The following ST8SIA5 variants were observed in gnomAD, a reference collection of about 807,000 sequenced individuals.
ST8SIA5 encodes the protein ST8 alpha-N-acetyl-neuraminide alpha-2,8-sialyltransferase 5.
A neutral mutation model predicts 40.2 loss-of-function variants in ST8SIA5; 24 were observed. The observed-to-expected ratio is 0.60, with a 90% CI of 0.43 to 0.84. The LOEUF is 0.84. ST8SIA5 is among the 40% of genes least tolerant of loss of function. ST8SIA5 has a pLI of 0.00. For missense variants in ST8SIA5, 465 were observed against 498.5 expected (o/e 0.93, Z 0.64); for synonymous variants, 198 against 201.8 (o/e 0.98, Z 0.16).
In ST8SIA5 at chr18:46,680,363, C is replaced by T. The variant is rs370410407; in HGVS notation, c.810G>A (p.Ser270=). 6 of 1,614,116 alleles carry T rather than the reference C, an allele frequency of 3.7e-6. No homozygotes were observed. The highest frequency in any genetic ancestry group is 2.2e-5 in the East Asian group (1 of 44,876). ...GATGGAAGTAGTAGACAGCTTGCGGCGATTCGAAGTCGTCCAGCACGTACT... is the reference window on the plus strand; with the variant it reads ...GATGGAAGTAGTAGACAGCTTGCGGTGATTCGAAGTCGTCCAGCACGTACT... ...RVKYVLDDFE[S]PQAVYYFHPQ... is the part of the protein sequence containing the mutation. Residue 270 remains serine, a synonymous_variant, in exon 7 of 7, where the codon TCG becomes TCA. Transcript: ENST00000315087.
At chr18:46,709,426 G>A (rs117200162) in intron 1 of ST8SIA5, among the ~76,000 whole-genome samples, 3,960 of 152,238 alleles carry the variant, frequency 0.026, 71 homozygotes, top group Non-Finnish European at 0.04. Context: ...AATTATAAAC[G>A]ACCCAGTCTA....
rs1357430073 is a variant in ST8SIA5 at position 46,755,793 on chromosome 18, GGTTGTTGA to G, written c.131+577_131+584del. Among the ~76,000 whole-genome samples the G allele has an allele frequency of 1.3e-5, 2 of 152,136 alleles. 1 individual carries two copies. The highest frequency in any genetic ancestry group is 2.9e-5 in the Non-Finnish European group (2 of 68,034). ...AAGCCATCTGTTTCAGAAGGAATCA[GGTTGTTGA>G]GTTTCACAGATCCAGTGGCTGTGGG... On this transcript the variant is annotated intron_variant, in intron 1 of 6. Coordinates refer to ENST00000315087, the MANE Select transcript of ST8SIA5 (RefSeq NM_013305.6).
intron 1 of ST8SIA5, chr18:46,721,244 G>A (rs1407596852): frequency 3.4e-6 from 3 of 886,504 alleles, no homozygotes; most frequent in South Asian, 3.2e-5. Flanking sequence ...AGGGAGTTTC[G>A]AGCCACCAGA....
chr18:46,751,383 TTTAA>T (rs1272778472), intron 1 of ST8SIA5, among the ~76,000 whole-genome samples: 2 of 145,370 alleles, frequency 1.4e-5, no homozygotes, highest in Non-Finnish European at 3.0e-5. Context: ...TATTTATTTA[TTTAA>T]TTTTTAAATT....
In ST8SIA5 at chr18:46,688,841, G is replaced by C. The variant is rs2039474226; in HGVS notation, c.390C>G (p.Leu130=). The C allele has an allele frequency of 1.2e-6, 2 of 1,614,088 alleles. No individual in the cohort carries two copies. ...TQKNTPLGTK[L]KYEVDTSGIY... is the part of the protein sequence containing the mutation. ...TGCCACTGGTGTCCACCTCATACTT[G>C]AGCTTTGTCCCCAGGGGAGTGTTCT... Residue 130 remains leucine, a synonymous_variant, in exon 4 of 7, where the codon CTC becomes CTG. Transcript: ENST00000315087.
At chr18:46,728,651 C>A (rs9955860) in intron 1 of ST8SIA5, among the ~76,000 whole-genome samples, 85,509 of 152,038 alleles carry the variant, frequency 0.56, 24,303 homozygotes, top group Middle Eastern at 0.64. Flanking sequence ...GCCATGTGCT[C>A]AAGACAAAAT....
intron 1 of ST8SIA5, among the ~76,000 whole-genome samples, chr18:46,725,816 G>A (rs2039912150): frequency 6.6e-6 from 1 of 150,864 alleles, no homozygotes; most frequent in African/African-American, 2.4e-5. Flanking sequence ...AAAGGAAGAT[G>A]ACAAAATGAA....
intron 1 of ST8SIA5, among the ~76,000 whole-genome samples, chr18:46,718,414 T>C (rs2039816107): frequency 6.6e-6 from 1 of 152,024 alleles, no homozygotes; most frequent in African/African-American, 2.4e-5. Flanking sequence ...CAACACTTCA[T>C]AGACCTAGAC....
intron 2 of ST8SIA5, 41 bp downstream of exon 2, chr18:46,704,531 T>G: frequency 1.3e-5 from 9 of 687,380 alleles, no homozygotes; most frequent in South Asian, 1.8e-5. Context: ...CTGCCCCACC[T>G]CCACATGCTC....
In ST8SIA5 at chr18:46,668,797, G is replaced by A. The variant is rs548905392; in HGVS notation, c.*11245C>T. On this transcript the variant is annotated 3_prime_UTR_variant, in exon 7 of 7. Transcript: ENST00000315087. The stretch of plus-strand genomic sequence containing the variant: ...ACCAGCTGCCCCATAAAGTGATCTT[G>A]AGCAGAGGGACTTGCCCAGAAGCTA... The A allele has an allele frequency of 6.6e-6, 1 of 152,356 alleles. No homozygotes were observed. The highest frequency in any genetic ancestry group is 2.1e-4 in the South Asian group (1 of 4,822). The allele number at this position is 152,356 out of a possible 1,614,324, so 9.4% of individuals were successfully genotyped here.
chr18:46,709,524 G>A (rs138245168), intron 1 of ST8SIA5, among the ~76,000 whole-genome samples: 4 of 152,304 alleles, frequency 2.6e-5, no homozygotes, highest in Admixed American at 2.6e-4. Context: ...CTAACAGGAC[G>A]CTCAAGAACT....
In ST8SIA5 at chr18:46,675,390, A is replaced by G. The variant is rs1366925146; in HGVS notation, c.*4652T>C. 1 of 152,188 alleles carries G rather than the reference A, an allele frequency of 6.6e-6. No homozygotes were observed. Among genetic ancestry groups the G allele is most frequent in the Admixed American group, 6.5e-5 (1 of 15,280 alleles). 9.4% of individuals were successfully genotyped at this position (152,188 alleles called of 1,614,324 possible). ...GGGCTTCTGGAGCTCCCTCAATTTC[A>G]CACAGCTACGAAGTAGTAGGAGGAG... On this transcript the variant is annotated 3_prime_UTR_variant, in exon 7 of 7. Coordinates refer to ENST00000315087, the MANE Select transcript of ST8SIA5 (RefSeq NM_013305.6).
chr18:46,708,338 G>C (rs960877857), intron 1 of ST8SIA5, among the ~76,000 whole-genome samples: 2 of 152,088 alleles, frequency 1.3e-5, no homozygotes, highest in Non-Finnish European at 2.9e-5. Context: ...TCACCCTGTG[G>C]ATAAAGCCCA....
rs1195508897 is a variant in ST8SIA5 at position 46,678,167 on chromosome 18, C to T, written c.*1875G>A. ...GTTTGGGATCATTTCATCCCCTTGG[C>T]TACTCCCCTACATTCCTGACCAGCA... is the stretch of plus-strand genomic sequence containing the variant. On this transcript the variant is annotated 3_prime_UTR_variant, in exon 7 of 7. Coordinates refer to ENST00000315087, the MANE Select transcript of ST8SIA5 (RefSeq NM_013305.6). 1 of 152,266 alleles carries T rather than the reference C, an allele frequency of 6.6e-6. No individual in the cohort carries two copies. The highest frequency in any genetic ancestry group is 1.5e-5 in the Non-Finnish European group (1 of 68,082). 9.4% of individuals were successfully genotyped at this position (152,266 alleles called of 1,614,324 possible). A position where few individuals can be genotyped will look rare whatever the true frequency, so the allele number is the denominator to read the frequency against.
intron 2 of ST8SIA5, among the ~76,000 whole-genome samples, chr18:46,699,924 C>T (rs2039594744): frequency 6.6e-6 from 1 of 152,166 alleles, no homozygotes; most frequent in Non-Finnish European, 1.5e-5. Context: ...GCCTTTGCTC[C>T]CAGCCTCTTT....
intron 4 of ST8SIA5, among the ~76,000 whole-genome samples, chr18:46,687,652 C>G (rs1486685274): frequency 6.6e-6 from 1 of 152,258 alleles, no homozygotes; most frequent in East Asian, 1.9e-4. Flanking sequence ...TGCAGCTCCT[C>G]CCCCACATCC....
chr18:46,680,336 C>G lies in ST8SIA5; in HGVS notation c.837G>C (p.Pro279=). 1 of 1,614,220 alleles carries G rather than the reference C, an allele frequency of 6.2e-7. No individual in the cohort carries two copies. Among genetic ancestry groups the G allele is most frequent in the Non-Finnish European group, 8.5e-7 (1 of 1,180,044 alleles). ...AGCGCGACACGTTGACCAGGTACTG[C>G]GGATGGAAGTAGTAGACAGCTTGCG... ...ESPQAVYYFH[P]QYLVNVSRYW... is the part of the protein sequence containing the mutation. The change falls in exon 7 of 7, where the codon CCG becomes CCC. Residue 279 remains proline (P), a synonymous_variant. Transcript: ENST00000315087.
chr18:46,719,668 C>CTTTTCTTTTT (rs1243738279), intron 1 of ST8SIA5, among the ~76,000 whole-genome samples: 19 of 18,540 alleles, frequency 1.0e-3, no homozygotes, highest in Admixed American at 8.0e-3. Context: ...TTCTATCTTT[C>CTTTTCTTTTT]TCTTTCTTTT....
At chr18:46,716,086 GGATAGATAGATA>G (rs61514320) in intron 1 of ST8SIA5, among the ~76,000 whole-genome samples, 2,901 of 139,764 alleles carry the variant, frequency 0.021, 55 homozygotes, top group East Asian at 0.051. Context: ...GAGTCACACA[GGATAGATAGATA>G]GATAGATAGA....
Sources: allele counts gnomAD v4.1 joint callset (sites outside exome capture counted in the v4.1 genomes callset), GRCh38; gene constraint gnomAD v4.1.1; transcripts MANE v1.5; gene names NCBI Gene and HGNC (gene_info 2026-07-23, HGNC 2026-07-21).